Variants in EYA4 observed in about 807,000 individuals in gnomAD.
EYA4 encodes protein phosphatase EYA4.
EYA4 carries 31 observed loss-of-function variants against 87.9 expected under a neutral mutation model. The observed-to-expected ratio is 0.35, with a 90% CI of 0.27 to 0.48. The LOEUF (loss-of-function observed/expected upper bound fraction) is 0.48, where lower values mean the gene tolerates loss of function less well. Ranked by LOEUF, EYA4 falls within the 20% of genes least tolerant of loss-of-function variation. EYA4 has a pLI of 0.99. For missense variants in EYA4, 678 were observed against 761.4 expected, an observed-to-expected ratio of 0.89 and a Z score of 1.29; for synonymous variants, 263 against 270.6, an observed-to-expected ratio of 0.97 and a Z score of 0.28.
intron 3 of EYA4, among the ~76,000 whole-genome samples, chr6:133,405,265 A>G (rs1447680945): frequency 3.9e-5 from 6 of 152,210 alleles, no homozygotes; most frequent in Non-Finnish European, 8.8e-5. Flanking sequence ...TGGTCATAAA[A>G]TATCTATTGG....
intron 19 of EYA4, 63 bp from the exon 20 acceptor site, chr6:133,528,662 T>C (rs1031519512): frequency 1.7e-6 from 2 of 1,151,276 alleles, no homozygotes; most frequent in Non-Finnish European, 2.6e-6. Context: ...ATGGTTGTGA[T>C]CTCTCTCCAT....
intron 6 of EYA4, among the ~76,000 whole-genome samples, chr6:133,460,298 C>G (rs1794264787): frequency 6.6e-6 from 1 of 152,220 alleles, no homozygotes; most frequent in East Asian, 1.9e-4. Flanking sequence ...AGGGAACTGG[C>G]TCACACTTTA....
chr6:133,379,820 C>T (rs1001023158), intron 2 of EYA4, among the ~76,000 whole-genome samples: 6 of 152,094 alleles, frequency 3.9e-5, no homozygotes, highest in Admixed American at 3.3e-4. Context: ...TTGCATTAGG[C>T]TTTTCCCAAC....
intron 13 of EYA4, among the ~76,000 whole-genome samples, chr6:133,491,951 CAAAAAAA>C (rs34316449): frequency 1.2e-5 from 1 of 83,724 alleles, no homozygotes; most frequent in East Asian, 3.6e-4. Context: ...AACTCCGTCT[CAAAAAAA>C]AAAAAAAAAA....
intron 2 of EYA4, among the ~76,000 whole-genome samples, chr6:133,378,473 C>A (rs9389076): frequency 0.03 from 4,622 of 152,018 alleles, 172 homozygotes; most frequent in East Asian, 0.2. Flanking sequence ...AATATTAAGA[C>A]GTTTTGATCT....
At chr6:133,396,446 G>A (rs954930589) in intron 3 of EYA4, among the ~76,000 whole-genome samples, 4 of 152,162 alleles carry the variant, frequency 2.6e-5, no homozygotes, top group African/African-American at 9.7e-5. Flanking sequence ...CAAGACAGAT[G>A]CGCCACACCC....
chr6:133,416,499 G>T (rs536684220), intron 3 of EYA4, among the ~76,000 whole-genome samples: 6 of 152,186 alleles, frequency 3.9e-5, no homozygotes, highest in Admixed American at 1.3e-4. Context: ...TCCTTACAAG[G>T]TCCCATTTTC....
intron 2 of EYA4, among the ~76,000 whole-genome samples, chr6:133,318,847 T>C (rs1050896402): frequency 6.6e-6 from 1 of 152,226 alleles, no homozygotes; most frequent in Non-Finnish European, 1.5e-5. Context: ...TCTACTTTCT[T>C]CTTCCACTTC....
intron 2 of EYA4, among the ~76,000 whole-genome samples, chr6:133,282,391 T>G (rs1777696708): frequency 6.6e-6 from 1 of 152,216 alleles, no homozygotes; most frequent in Non-Finnish European, 1.5e-5. Flanking sequence ...ATGTCCTCTT[T>G]TGAGAAATGT....
At chr6:133,509,629 G>C (rs957842561) in intron 14 of EYA4, among the ~76,000 whole-genome samples, 2 of 152,118 alleles carry the variant, frequency 1.3e-5, no homozygotes, top group African/African-American at 4.8e-5. Context: ...GTGCTATTTC[G>C]GTTAGAATAA....
intron 2 of EYA4, among the ~76,000 whole-genome samples, chr6:133,381,881 A>G (rs1399624535): frequency 2.6e-5 from 4 of 152,206 alleles, no homozygotes; most frequent in Non-Finnish European, 5.9e-5. Context: ...CTGAAAATAT[A>G]TGTGTGAAGC....
chr6:133,528,894 AAATT>A lies in EYA4; in HGVS notation c.*90_*93del. On this transcript the variant is annotated 3_prime_UTR_variant, in exon 20 of 20. Coordinates refer to ENST00000355286, the MANE Select transcript of EYA4 (RefSeq NM_004100.5). ...TCAATGCCTCTGGCTCTACACATAT[AAATT>A]GTCTTAATGGATGAAATCATATTTG... 2 of 1,605,696 alleles carry A rather than the reference AAATT, an allele frequency of 1.2e-6. No individual in the cohort carries two copies. Among genetic ancestry groups the A allele is most frequent in the South Asian group, 2.2e-5 (2 of 90,258 alleles).
intron 2 of EYA4, among the ~76,000 whole-genome samples, chr6:133,366,140 A>G (rs1280443589): frequency 6.6e-6 from 1 of 152,192 alleles, no homozygotes; most frequent in Non-Finnish European, 1.5e-5. Context: ...AACAGATTTG[A>G]GACATATTTT....
intron 11 of EYA4, among the ~76,000 whole-genome samples, chr6:133,474,076 A>G (rs976893663): frequency 1.3e-5 from 2 of 152,058 alleles, no homozygotes; most frequent in Admixed American, 6.6e-5. Flanking sequence ...GTTTTTCTCA[A>G]TGATGAATGT....
chr6:133,294,465 G>C (rs1778796239), intron 2 of EYA4, among the ~76,000 whole-genome samples: 1 of 149,192 alleles, frequency 6.7e-6, no homozygotes. Context: ...GGGTTCAGGT[G>C]GTCGTCCCGC....
At chr6:133,397,625 C>A (rs1374844193) in intron 3 of EYA4, among the ~76,000 whole-genome samples, 1 of 152,116 alleles carries the variant, frequency 6.6e-6, no homozygotes, top group Non-Finnish European at 1.5e-5. Context: ...GAACTGATTC[C>A]TTTTATTTGC....
At chr6:133,451,830 A>T (rs1793474492) in intron 5 of EYA4, among the ~76,000 whole-genome samples, 1 of 152,178 alleles carries the variant, frequency 6.6e-6, no homozygotes, top group African/African-American at 2.4e-5. Flanking sequence ...GTTTTTTTCT[A>T]TATTTGAAAT....
chr6:133,422,320 AAC>A (rs1472549781), intron 3 of EYA4, among the ~76,000 whole-genome samples: 1 of 152,214 alleles, frequency 6.6e-6, no homozygotes, highest in Non-Finnish European at 1.5e-5. Flanking sequence ...TGAATTCAGA[AAC>A]AATATATAAT....
chr6:133,272,814 G>A (rs890910112), intron 1 of EYA4, among the ~76,000 whole-genome samples: 15 of 152,246 alleles, frequency 9.9e-5, no homozygotes, highest in African/African-American at 3.1e-4. Context: ...ACCCCAGGCA[G>A]TTTTATTTGG....
Sources: gnomAD v4.1 joint callset for allele counts (sites outside exome capture counted in the v4.1 genomes callset) on GRCh38, gnomAD v4.1.1 for gene constraint, MANE v1.5 for transcripts, NCBI Gene and HGNC (gene_info 2026-07-23, HGNC 2026-07-21) for gene names.